The following AKAP3 variants were observed in gnomAD, a reference collection of about 807,000 sequenced individuals.
AKAP3 encodes the protein A-kinase anchoring protein 3.
AKAP3 carries 27 observed loss-of-function variants against 57.2 expected under a neutral mutation model. The observed-to-expected ratio is 0.47, with a 90% CI of 0.35 to 0.65. The LOEUF (loss-of-function observed/expected upper bound fraction) is 0.65, where lower values mean the gene tolerates loss of function less well. Among genes scored for constraint, AKAP3 ranks in the 30% least tolerant of loss-of-function variants. The probability of loss-of-function intolerance (pLI) is 0.01; values close to 1 mark genes in which losing one functional copy is unlikely to be tolerated. For missense variants in AKAP3, 959 were observed against 1,040.0 expected, an observed-to-expected ratio of 0.92 and a Z score of 1.07; for synonymous variants, 334 against 392.3, an observed-to-expected ratio of 0.85 and a Z score of 1.76.
chr12:4,631,868 G>A (rs889392871), intron 4 of AKAP3, among the ~76,000 whole-genome samples: 1 of 152,148 alleles, frequency 6.6e-6, no homozygotes, highest in African/African-American at 2.4e-5. Flanking sequence ...ACAATTGTAT[G>A]CTTTTATTTT....
chr12:4,628,519 G>A lies in AKAP3; in HGVS notation c.383C>T (p.Ala128Val). ...TATGACTAGATTCGTGAGGCGGTTA[G>A]CATAGAAGGAAACTTCATCTACTGA... is the stretch of plus-strand genomic sequence containing the variant. ...GSSVDEVSFY[A>V]NRLTNLVIAM... Residue 128 changes from alanine to valine, a missense_variant, in exon 5 of 6, where the codon GCT (alanine) becomes GTT (valine). Physicochemically the swap from Ala to Val is moderately conservative, Grantham distance 64. Transcript: ENST00000228850. 1 of 1,614,166 alleles carries A rather than the reference G, an allele frequency of 6.2e-7. No individual in the cohort carries two copies. The highest frequency in any genetic ancestry group is 8.5e-7 in the Non-Finnish European group (1 of 1,180,004).
intron 4 of AKAP3, among the ~76,000 whole-genome samples, chr12:4,630,361 C>T (rs1322938240): frequency 6.6e-6 from 1 of 152,236 alleles, no homozygotes; most frequent in Non-Finnish European, 1.5e-5. Context: ...TGCCAGGCAT[C>T]TCACAGCTAG....
chr12:4,628,868 A>G (rs748847386), intron 4 of AKAP3, 63 bp from the exon 5 acceptor site: 40 of 1,501,648 alleles, frequency 2.7e-5, no homozygotes, highest in Non-Finnish European at 9.0e-6. Flanking sequence ...ATTCAAGACA[A>G]CCTCAAAGTT....
chr12:4,634,019 C>A (rs61911366), intron 4 of AKAP3, among the ~76,000 whole-genome samples: 2,479 of 148,580 alleles, frequency 0.017, 28 homozygotes, highest in Non-Finnish European at 0.027. Flanking sequence ...AACCTGAGCA[C>A]CTCAATATAA....
In AKAP3 at chr12:4,626,434, G is replaced by C. The variant is rs575710972; in HGVS notation, c.2406+62C>G. 4.8e-5 allele frequency: 73 copies of C among 1,533,482 alleles called. 3 individuals are homozygous for C. The South Asian group carries it at 9.0e-4, about 19-fold the overall frequency. 95.0% of individuals were successfully genotyped at this position (1,533,482 alleles called of 1,614,324 possible). On this transcript the variant is annotated intron_variant, in intron 5 of 5. Transcript: ENST00000228850. ...TATCTTCCCATTCAGAAAGAAACCA[G>C]AACTTAAAGCCCTAGTTAAATCTTA...
At chr12:4,618,698 G>A (rs368777923) in intron 5 of AKAP3, among the ~76,000 whole-genome samples, 3 of 152,158 alleles carry the variant, frequency 2.0e-5, no homozygotes, top group Non-Finnish European at 4.4e-5. Context: ...AGCCAAATAC[G>A]TCTCCAGACA....
chr12:4,630,251 G>A (rs532564557), intron 4 of AKAP3, among the ~76,000 whole-genome samples: 14 of 152,216 alleles, frequency 9.2e-5, no homozygotes, highest in African/African-American at 3.4e-4. Flanking sequence ...ATGCTTTATA[G>A]GCACTATTTT....
chr12:4,623,486 C>T (rs1251711936), intron 5 of AKAP3, among the ~76,000 whole-genome samples: 4 of 152,134 alleles, frequency 2.6e-5, no homozygotes, highest in Non-Finnish European at 5.9e-5. Context: ...AGGCCATTGC[C>T]ATTGGCAAAT....
At chr12:4,623,699 A>C (rs1945372069) in intron 5 of AKAP3, among the ~76,000 whole-genome samples, 1 of 152,176 alleles carries the variant, frequency 6.6e-6, no homozygotes, top group East Asian at 1.9e-4. Context: ...AACCCGTGTG[A>C]CATGAGTTTA....
intron 5 of AKAP3, among the ~76,000 whole-genome samples, chr12:4,623,399 C>T (rs895883851): frequency 6.6e-6 from 1 of 152,204 alleles, no homozygotes; most frequent in African/African-American, 2.4e-5. Flanking sequence ...AAATGTGGTA[C>T]ATATACACCA....
At chr12:4,637,950 T>C in intron 4 of AKAP3, 151 bp downstream of exon 4, 1 of 689,310 alleles carries the variant, frequency 1.5e-6, no homozygotes. Context: ...TAAATGGGAA[T>C]GTTTTGTTCT....
At chr12:4,634,677 A>G (rs1945541903) in intron 4 of AKAP3, among the ~76,000 whole-genome samples, 1 of 151,816 alleles carries the variant, frequency 6.6e-6, no homozygotes, top group Non-Finnish European at 1.5e-5. Flanking sequence ...AGATGCATTT[A>G]TTAGTTCTCA....
At chr12:4,640,548 G>T (rs1945624675) in intron 3 of AKAP3, among the ~76,000 whole-genome samples, 1 of 152,146 alleles carries the variant, frequency 6.6e-6, no homozygotes, top group Non-Finnish European at 1.5e-5. Flanking sequence ...ATACATCATT[G>T]AAACTTATAT....
chr12:4,638,338 A>G (rs1328874517), intron 3 of AKAP3, 142 bp from the exon 4 acceptor site: 6 of 650,802 alleles, frequency 9.2e-6, no homozygotes, highest in Non-Finnish European at 1.6e-5. Context: ...CCACTTCAGA[A>G]CCACTCCACC....
chr12:4,618,742 C>G (rs778778293), intron 5 of AKAP3, among the ~76,000 whole-genome samples: 21 of 152,214 alleles, frequency 1.4e-4, no homozygotes, highest in Non-Finnish European at 3.1e-4. Flanking sequence ...AAAATTGCTC[C>G]TGGTTGAGAA....
intron 4 of AKAP3, chr12:4,635,813 G>T: frequency 5.8e-6 from 4 of 688,778 alleles, no homozygotes; most frequent in South Asian, 4.9e-5. Flanking sequence ...CACATTTTGG[G>T]TTAGAAAATC....
chr12:4,644,784 G>T (rs192793806), intron 2 of AKAP3, among the ~76,000 whole-genome samples: 1 of 152,296 alleles, frequency 6.6e-6, no homozygotes, highest in East Asian at 1.9e-4. Flanking sequence ...TGAGATGGTG[G>T]ATGCCTGTAA....
chr12:4,626,858 C>A lies in AKAP3; in HGVS notation c.2044G>T (p.Val682Phe). The A allele has an allele frequency of 6.2e-7, 1 of 1,610,338 alleles. No individual in the cohort carries two copies. Among genetic ancestry groups the A allele is most frequent in the Non-Finnish European group, 8.5e-7 (1 of 1,179,228 alleles). Reference protein sequence around the residue: ...HLMNSVMKLCVIIAKSCDASL... With the variant: ...HLMNSVMKLCFIIAKSCDASL... ...GCATCACAGGACTTAGCAATGATGACACACAGCTTCATCACTGAGTTCATC... is the reference window on the plus strand; with the variant it reads ...GCATCACAGGACTTAGCAATGATGAAACACAGCTTCATCACTGAGTTCATC... The change falls in exon 5 of 6, where the codon GTC (valine) becomes TTC (phenylalanine). Residue 682 changes from valine to phenylalanine, a missense_variant. Coordinates refer to ENST00000228850, the MANE Select transcript of AKAP3 (RefSeq NM_001278309.2).
At chr12:4,638,932 G>A (rs1945600707) in intron 3 of AKAP3, among the ~76,000 whole-genome samples, 1 of 152,106 alleles carries the variant, frequency 6.6e-6, no homozygotes, top group Admixed American at 6.5e-5. Flanking sequence ...CCATTTACCT[G>A]GTCTTCTAAG....
Sources: allele counts gnomAD v4.1 joint callset (sites outside exome capture counted in the v4.1 genomes callset), GRCh38; gene constraint gnomAD v4.1.1; transcripts MANE v1.5; gene names NCBI Gene and HGNC (gene_info 2026-07-23, HGNC 2026-07-21).